The following NEK6 variants were observed in gnomAD, a reference collection of about 807,000 sequenced individuals.
NEK6 encodes serine/threonine-protein kinase Nek6.
NEK6 carries 27 observed loss-of-function variants against 43.5 expected under a neutral mutation model. The ratio of observed to expected loss-of-function variants is 0.62; its 90% CI spans 0.46 to 0.86. The LOEUF is 0.86. NEK6 is among the 40% of genes least tolerant of loss of function. The pLI is 0.00. For missense variants in NEK6, 318 were observed against 414.4 expected (o/e 0.77, Z 2.02); for synonymous variants, 167 against 164.1 (o/e 1.02, Z -0.14).
chr9:124,321,822 G>A (rs1834079732), intron 5 of NEK6, among the ~76,000 whole-genome samples: 1 of 152,224 alleles, frequency 6.6e-6, no homozygotes, highest in African/African-American at 2.4e-5. Context: ...CAGCTCAAAA[G>A]AGCCCATATG....
rs553709380 is a variant in NEK6, at chr9:124,327,354, C to G, written c.531C>G (p.Asn177Lys). ...RVMHRDIKPA[N>K]VFITATGVVK... ...GCCCTGCAGACATCAAGCCTGCCAA[C>G]GTGTTCATCACAGCCACGGGCGTCG... The change falls in exon 7 of 10, where the codon AAC (asparagine) becomes AAG (lysine). Residue 177 changes from asparagine to lysine, a missense_variant. Asn to Lys is a moderately conservative substitution (Grantham distance 94). Coordinates refer to ENST00000320246, the MANE Select transcript of NEK6 (RefSeq NM_014397.6). 1 of 1,613,976 alleles carries G rather than the reference C, an allele frequency of 6.2e-7. No homozygotes were observed. Among genetic ancestry groups the G allele is most frequent in the Admixed American group, 1.7e-5 (1 of 60,024 alleles).
At chr9:124,264,630 C>T (rs75650665) in intron 1 of NEK6, among the ~76,000 whole-genome samples, 5,892 of 152,078 alleles carry the variant, frequency 0.039, 164 homozygotes, top group East Asian at 0.1. Flanking sequence ...CATGGCAAAA[C>T]CCCATCGCTA....
At chr9:124,269,144 A>G (rs1243901146) in intron 1 of NEK6, among the ~76,000 whole-genome samples, 1 of 152,178 alleles carries the variant, frequency 6.6e-6, no homozygotes, top group Non-Finnish European at 1.5e-5. Context: ...CAGCATTCCC[A>G]GATGGTGGGG....
Position 124,347,817 on chromosome 9 carries a change from GAGA to G in NEK6, c.829_831del (p.Lys277del). 1 of 1,606,694 alleles carries G rather than the reference GAGA, an allele frequency of 6.2e-7. No homozygotes were observed. Among genetic ancestry groups the G allele is most frequent in the African/African-American group, 1.3e-5 (1 of 74,794 alleles). On this transcript the variant is annotated inframe_deletion and splice_region_variant, in exon 9 of 10. Coordinates refer to ENST00000320246, the MANE Select transcript of NEK6 (RefSeq NM_014397.6). The stretch of plus-strand genomic sequence containing the variant: ...CCCACTCCCCGGGGAGCACTACTCC[GAGA>G]AGGTGAGTTTGCAGGAGCCGGAGGC...
chr9:124,284,343 G>A (rs950181005), intron 1 of NEK6, among the ~76,000 whole-genome samples: 13 of 152,228 alleles, frequency 8.5e-5, no homozygotes, highest in Middle Eastern at 3.2e-3. Context: ...CCGAGACTCC[G>A]TCTCTAAGTA....
chr9:124,342,813 T>C (rs1829711795), intron 8 of NEK6, among the ~76,000 whole-genome samples: 1 of 143,628 alleles, frequency 7.0e-6, no homozygotes. Flanking sequence ...CCATGGGCTC[T>C]CCACACATAA....
intron 7 of NEK6, 84 bp downstream of exon 7, chr9:124,327,529 G>C (rs1041499771): frequency 9.4e-7 from 1 of 1,062,988 alleles, no homozygotes; most frequent in Non-Finnish European, 1.4e-6. Context: ...CCCCACGTGT[G>C]TTTGGTCAGT....
rs142175151 is a variant in NEK6, at chr9:124,339,086, T to C, written c.623-485T>C. 9.1e-4 allele frequency among the ~76,000 whole-genome samples: 128 copies of C among 140,906 alleles called. 1 individual carries two copies. The highest frequency in any genetic ancestry group is 3.3e-3 in the African/African-American group (122 of 37,218). The allele number at this position is 140,906 out of a possible 152,430, so 92.4% of individuals were successfully genotyped here. On this transcript the variant is annotated intron_variant, in intron 7 of 9. Coordinates refer to ENST00000320246, the MANE Select transcript of NEK6 (RefSeq NM_014397.6). Reference sequence around the variant, plus strand: ...CTCTGTTGCCCAGGCTGGAGTGCAGTGGCGCAATCTTGGCTCTCTGCAGCC... The same window carrying C: ...CTCTGTTGCCCAGGCTGGAGTGCAGCGGCGCAATCTTGGCTCTCTGCAGCC...
chr9:124,279,915 A>C (rs1434004203), intron 1 of NEK6, among the ~76,000 whole-genome samples: 2 of 152,034 alleles, frequency 1.3e-5, no homozygotes, highest in Non-Finnish European at 2.9e-5. Context: ...TGTGTCCCCA[A>C]CCCCTCGGAC....
intron 1 of NEK6, among the ~76,000 whole-genome samples, chr9:124,290,436 G>A (rs1287924939): frequency 6.6e-6 from 1 of 152,258 alleles, no homozygotes; most frequent in Non-Finnish European, 1.5e-5. Context: ...CCGGCTGGTG[G>A]GAAGGTGTGT....
At chr9:124,350,645 T>C (rs549873683) in intron 9 of NEK6, among the ~76,000 whole-genome samples, 192 bp from the exon 10 acceptor site, 1 of 152,300 alleles carries the variant, frequency 6.6e-6, no homozygotes, top group African/African-American at 2.4e-5. Flanking sequence ...GGGTACTGGC[T>C]AGCCCTTGGG....
intron 8 of NEK6, among the ~76,000 whole-genome samples, chr9:124,345,161 C>CAGCG (rs1829851672): frequency 6.6e-6 from 1 of 152,206 alleles, no homozygotes; most frequent in African/African-American, 2.4e-5. Context: ...ATTTGAGGAG[C>CAGCG]AGCGCTGAGA....
At chr9:124,265,155 A>T (rs1831181032) in intron 1 of NEK6, among the ~76,000 whole-genome samples, 1 of 152,226 alleles carries the variant, frequency 6.6e-6, no homozygotes, top group Non-Finnish European at 1.5e-5. Flanking sequence ...GTGGTTGCAC[A>T]ACATTGTGAT....
In NEK6 at chr9:124,353,068, C is replaced by T. The variant is rs1830339989; in HGVS notation, c.*2121C>T. ...GAGGTCCACCCACCTTCACACAGCTCTGGCGGTGCACCTGCTCACCTTCTC... is the reference window on the plus strand; with the variant it reads ...GAGGTCCACCCACCTTCACACAGCTTTGGCGGTGCACCTGCTCACCTTCTC... On this transcript the variant is annotated 3_prime_UTR_variant, in exon 10 of 10. Coordinates refer to ENST00000320246, the MANE Select transcript of NEK6 (RefSeq NM_014397.6). 1 of 154,556 alleles carries T rather than the reference C, an allele frequency of 6.5e-6. No individual in the cohort carries two copies. Among genetic ancestry groups the T allele is most frequent in the Non-Finnish European group, 1.4e-5 (1 of 69,784 alleles). The allele number at this position is 154,556 out of a possible 1,614,324, so 9.6% of individuals were successfully genotyped here. A position where few individuals can be genotyped will look rare whatever the true frequency, so the allele number is the denominator to read the frequency against.
chr9:124,297,044 A>G (rs1484091913), intron 1 of NEK6, among the ~76,000 whole-genome samples: 1 of 152,220 alleles, frequency 6.6e-6, no homozygotes, highest in African/African-American at 2.4e-5. Flanking sequence ...CTGGCTTTGC[A>G]GAGGCAGCCA....
rs1352183074 is a variant in NEK6 at position 124,324,108 on chromosome 9, G to T, written c.406-2222G>T. ...GGCCCTCACCTGCAGAGCTGGCTCGGTGCAGCCGCCAGCAGGGGAGGCCTG... is the reference window on the plus strand; with the variant it reads ...GGCCCTCACCTGCAGAGCTGGCTCGTTGCAGCCGCCAGCAGGGGAGGCCTG... On this transcript the variant is annotated intron_variant, in intron 5 of 9. Transcript: ENST00000320246. This position sits in a 1 kb window ranked among gnomAD's most constrained non-coding sequence, Gnocchi z 5.3. 2.0e-5 allele frequency among the ~76,000 whole-genome samples: 3 copies of T among 152,188 alleles called. 1 individual carries two copies. In the East Asian group the frequency reaches 5.8e-4, roughly 29 times the overall value.
intron 2 of NEK6, among the ~76,000 whole-genome samples, chr9:124,302,593 T>C (rs1588483052): frequency 6.6e-6 from 1 of 152,244 alleles, no homozygotes; most frequent in South Asian, 2.1e-4. Flanking sequence ...CCAGGCAGCC[T>C]TCAGCAGCTT....
At chr9:124,276,059 G>A (rs1479805309) in intron 1 of NEK6, among the ~76,000 whole-genome samples, 1 of 152,168 alleles carries the variant, frequency 6.6e-6, no homozygotes, top group African/African-American at 2.4e-5. Flanking sequence ...GGAGGCTGGG[G>A]GGCTGGGAGG....
chr9:124,326,462 G>GCCCGGAGCCA lies in NEK6; in HGVS notation c.514+27_514+36dup. On this transcript the variant is annotated intron_variant, in intron 6 of 9. Transcript: ENST00000320246. This position sits in a 1 kb window ranked among gnomAD's most constrained non-coding sequence, Gnocchi z 4.5. ...AGGTACGTGCCACCCGCCAGGAGCCGCCCGGAGCCACCTGGAGCCCAGGAA... is the reference window on the plus strand; with the variant it reads ...AGGTACGTGCCACCCGCCAGGAGCCGCCCGGAGCCACCCGGAGCCACCTGGAGCCCAGGAA... 7.0e-7 allele frequency: 1 copy of GCCCGGAGCCA among 1,421,482 alleles called. No homozygotes were observed. Among genetic ancestry groups the GCCCGGAGCCA allele is most frequent in the Non-Finnish European group, 9.5e-7 (1 of 1,048,758 alleles). The allele number at this position is 1,421,482 out of a possible 1,614,324, so 88.1% of individuals were successfully genotyped here. A position where few individuals can be genotyped will look rare whatever the true frequency, so the allele number is the denominator to read the frequency against.
Sources: gnomAD v4.1 joint callset for allele counts (sites outside exome capture counted in the v4.1 genomes callset) on GRCh38, gnomAD v4.1.1 for gene constraint, Gnocchi (gnomAD v3.1) non-coding constraint, MANE v1.5 for transcripts, NCBI Gene and HGNC (gene_info 2026-07-23, HGNC 2026-07-21) for gene names.